The following RBFOX1 variants were observed in gnomAD, a reference collection of about 807,000 sequenced individuals.
RBFOX1 encodes the protein RNA binding protein fox-1 homolog 1.
A neutral mutation model predicts 57.7 loss-of-function variants in RBFOX1; 8 were observed. The observed-to-expected ratio is 0.14, with a 90% CI of 0.08 to 0.25. The LOEUF is 0.25. Ranked by LOEUF, RBFOX1 falls within the 10% of genes least tolerant of loss-of-function variation. The pLI is 1.00. For missense variants in RBFOX1, 611 were observed against 548.5 expected, an observed-to-expected ratio of 1.11 and a Z score of -1.14; for synonymous variants, 326 against 222.4, an observed-to-expected ratio of 1.47 and a Z score of -4.15.
rs946392094 is a variant in RBFOX1 at position 6,088,940 on chromosome 16, C to CA, written c.-127+68954dup. 8.2e-4 allele frequency among the ~76,000 whole-genome samples: 124 copies of CA among 151,782 alleles called. 2 individuals are homozygous for CA. The highest frequency in any genetic ancestry group is 2.7e-3 in the African/African-American group (111 of 41,382). ...TGAAATCCCATCTCTACTAAAAATA[C>CA]AAAAAATTAGCTGGGTGTGGTGGCG... is the stretch of plus-strand genomic sequence containing the variant. On this transcript the variant is annotated intron_variant, in intron 1 of 15. Transcript: ENST00000550418.
At chr16:7,327,537 G>A (rs2096627008) in intron 4 of RBFOX1, among the ~76,000 whole-genome samples, 1 of 152,168 alleles carries the variant, frequency 6.6e-6, no homozygotes, top group African/African-American at 2.4e-5. Flanking sequence ...GTGATGATAG[G>A]ATCAGGGAAA....
intron 5 of RBFOX1, among the ~76,000 whole-genome samples, chr16:7,568,612 G>A (rs2092394395): frequency 1.3e-5 from 2 of 152,044 alleles, no homozygotes; most frequent in African/African-American, 2.4e-5. Flanking sequence ...CTGGCTGGGC[G>A]CGGTGGCTCA....
chr16:6,682,014 C>T (rs536845966), intron 3 of RBFOX1, among the ~76,000 whole-genome samples: 5 of 152,304 alleles, frequency 3.3e-5, no homozygotes, highest in South Asian at 4.1e-4. Flanking sequence ...CAGAAGGATA[C>T]ACCCTTACTC....
intron 1 of RBFOX1, among the ~76,000 whole-genome samples, chr16:6,141,753 C>A (rs550456800): frequency 6.6e-6 from 1 of 151,964 alleles, no homozygotes; most frequent in Admixed American, 6.6e-5. Flanking sequence ...TTATTGTATG[C>A]TGATCTATTT....
At chr16:6,658,701 T>A (rs1175505424) in intron 3 of RBFOX1, among the ~76,000 whole-genome samples, 2 of 152,170 alleles carry the variant, frequency 1.3e-5, no homozygotes, top group Non-Finnish European at 2.9e-5. Context: ...CTTGCCTGGC[T>A]GTTTATGGGG....
At chr16:6,841,504 C>G (rs914153978) in intron 3 of RBFOX1, among the ~76,000 whole-genome samples, 1 of 152,098 alleles carries the variant, frequency 6.6e-6, no homozygotes, top group Non-Finnish European at 1.5e-5. Context: ...TGCGGTAGAT[C>G]TGGATGATTT....
At chr16:7,698,922 T>A (rs1350015301) in intron 14 of RBFOX1, among the ~76,000 whole-genome samples, 49 of 152,300 alleles carry the variant, frequency 3.2e-4, no homozygotes, top group Non-Finnish European at 6.6e-4. Flanking sequence ...CTAGATAGTC[T>A]GAATTAGCCT....
chr16:7,357,779 A>G (rs1288631265), intron 4 of RBFOX1, among the ~76,000 whole-genome samples: 1 of 152,160 alleles, frequency 6.6e-6, no homozygotes, highest in Non-Finnish European at 1.5e-5. Context: ...TTTATTTTAA[A>G]TAATTTTGGA....
chr16:6,376,828 A>C (rs2091237283), intron 2 of RBFOX1, among the ~76,000 whole-genome samples: 1 of 152,138 alleles, frequency 6.6e-6, no homozygotes, highest in African/African-American at 2.4e-5. Flanking sequence ...CCCAGGGAAG[A>C]ATTCTTGCTT....
chr16:6,231,779 C>G (rs2097462346), intron 1 of RBFOX1, among the ~76,000 whole-genome samples: 1 of 149,334 alleles, frequency 6.7e-6, no homozygotes. Context: ...TTTTCCAGCA[C>G]AATGTTTTCT....
chr16:6,881,646 C>T (rs549292103), intron 3 of RBFOX1, among the ~76,000 whole-genome samples: 5 of 152,186 alleles, frequency 3.3e-5, no homozygotes, highest in Non-Finnish European at 5.9e-5. Context: ...AATATTCCAT[C>T]TTCAAATAAA....
chr16:5,278,853 A>C (rs1355121964), intron 1 of RBFOX1, among the ~76,000 whole-genome samples: 1 of 152,132 alleles, frequency 6.6e-6, no homozygotes, highest in Non-Finnish European at 1.5e-5. Context: ...GGTGTCCTTT[A>C]TTCAATGTAT....
chr16:6,191,129 G>GTT (rs5815289), intron 1 of RBFOX1, among the ~76,000 whole-genome samples: 3 of 133,946 alleles, frequency 2.2e-5, no homozygotes, highest in Non-Finnish European at 4.8e-5. Flanking sequence ...TGCGTCTGTG[G>GTT]TTTTTTTTTT....
At chr16:7,566,185 A>G (rs1470734966) in intron 5 of RBFOX1, among the ~76,000 whole-genome samples, 2 of 152,108 alleles carry the variant, frequency 1.3e-5, no homozygotes, top group Admixed American at 6.6e-5. Flanking sequence ...TAATAAGAAA[A>G]CCTGTCAGTG....
intron 3 of RBFOX1, among the ~76,000 whole-genome samples, chr16:5,832,727 C>A (rs117593397): frequency 6.6e-6 from 1 of 152,098 alleles, no homozygotes; most frequent in Non-Finnish European, 1.5e-5. Flanking sequence ...ATGGAATTAA[C>A]AGAAATTTAA....
At chr16:5,420,008 C>T (rs1021367980) in intron 1 of RBFOX1, among the ~76,000 whole-genome samples, 2 of 152,120 alleles carry the variant, frequency 1.3e-5, no homozygotes, top group Non-Finnish European at 2.9e-5. Context: ...GTGACTTGGG[C>T]CTGTGAGACC....
At chr16:6,713,537 C>T (rs1337745377) in intron 3 of RBFOX1, among the ~76,000 whole-genome samples, 1 of 151,956 alleles carries the variant, frequency 6.6e-6, no homozygotes, top group Non-Finnish European at 1.5e-5. Flanking sequence ...CAAGTAAAAC[C>T]CCCTCCCCAG....
chr16:6,076,502 C>T (rs996328943), intron 1 of RBFOX1, among the ~76,000 whole-genome samples: 2 of 152,076 alleles, frequency 1.3e-5, no homozygotes, highest in African/African-American at 4.8e-5. Flanking sequence ...GGGTCTTGCT[C>T]TGTCACCCAG....
intron 1 of RBFOX1, among the ~76,000 whole-genome samples, chr16:6,100,807 G>C (rs1013855780): frequency 2.0e-5 from 3 of 152,140 alleles, no homozygotes; most frequent in Non-Finnish European, 4.4e-5. Flanking sequence ...TTTGAACCCT[G>C]GGTGGCCTGA....
Sources: gnomAD v4.1 joint callset for allele counts (sites outside exome capture counted in the v4.1 genomes callset) on GRCh38, gnomAD v4.1.1 for gene constraint, MANE v1.5 for transcripts, NCBI Gene and HGNC (gene_info 2026-07-23, HGNC 2026-07-21) for gene names.